The following ZNF277 variants were observed in gnomAD, a reference collection of about 807,000 sequenced individuals.
The protein encoded by ZNF277 is zinc finger protein 277, also known as nuclear receptor-interacting factor 4.
A neutral mutation model predicts 60.7 loss-of-function variants in ZNF277; 55 were observed. The observed-to-expected ratio is 0.91, with a 90% CI of 0.73 to 1.13. The LOEUF is 1.13. ZNF277 is among the 50% of genes most tolerant of loss of function. The probability of loss-of-function intolerance (pLI) is 0.00; values close to 1 mark genes in which losing one functional copy is unlikely to be tolerated. For synonymous variants in ZNF277, 178 were observed against 179.3 expected (o/e 0.99, Z 0.06); for missense variants, 510 against 523.0 (o/e 0.98, Z 0.24).
At chr7:112,237,553 A>C (rs569855213) in intron 1 of ZNF277, among the ~76,000 whole-genome samples, 1 of 152,264 alleles carries the variant, frequency 6.6e-6, no homozygotes, top group African/African-American at 2.4e-5. Context: ...AATACAAAAG[A>C]TCATCAGAGA....
chr7:112,327,550 A>G (rs988457713), intron 5 of ZNF277, among the ~76,000 whole-genome samples, 167 bp from the exon 6 acceptor site: 1 of 152,220 alleles, frequency 6.6e-6, no homozygotes, highest in Non-Finnish European at 1.5e-5. Flanking sequence ...GACTGTGTAC[A>G]CTTACATACT....
At chr7:112,291,552 T>TAGAGAAGTAGGAAAAATACAGA (rs1792206522) in intron 2 of ZNF277, among the ~76,000 whole-genome samples, 4 of 152,294 alleles carry the variant, frequency 2.6e-5, no homozygotes, top group African/African-American at 7.2e-5. Context: ...TTCAGTAAAC[T>TAGAGAAGTAGGAAAAATACAGA]AGAGAAGTAG....
chr7:112,289,391 G>A (rs1792151569), intron 2 of ZNF277, among the ~76,000 whole-genome samples: 1 of 152,148 alleles, frequency 6.6e-6, no homozygotes, highest in African/African-American at 2.4e-5. Context: ...AGATTTTGGT[G>A]CTGCCTTATC....
chr7:112,294,522 A>T (rs901269271), intron 2 of ZNF277, among the ~76,000 whole-genome samples: 1 of 152,214 alleles, frequency 6.6e-6, no homozygotes, highest in African/African-American at 2.4e-5. Flanking sequence ...GCACTGTTTT[A>T]TAAGGAAAGG....
At position 112,342,966 on chromosome 7, in the gene ZNF277, G is replaced by A. The variant is rs1793473909; in HGVS notation, c.*237G>A. On this transcript the variant is annotated 3_prime_UTR_variant, in exon 12 of 12. Transcript: ENST00000361822. ...AAGATGAAGACTTTGTATTTTGGCT[G>A]TAAAGTTTTATTGTGTGATCATCTT... 3.5e-6 allele frequency: 1 copy of A among 284,548 alleles called. No homozygotes were observed. The highest frequency in any genetic ancestry group is 6.5e-6 in the Non-Finnish European group (1 of 153,474). The allele number at this position is 284,548 out of a possible 1,614,324, so 17.6% of individuals were successfully genotyped here.
intron 2 of ZNF277, among the ~76,000 whole-genome samples, chr7:112,289,419 G>A (rs1792153064): frequency 6.6e-6 from 1 of 152,148 alleles, no homozygotes. Flanking sequence ...AGAGATAGGA[G>A]GACAGTTAAT....
rs949770849 is a variant in ZNF277, at chr7:112,278,592, A to G, written c.92-8281A>G. ...ACAACTCTGTCGGGTGGAACACTCT[A>G]TCAGGTGGATATTTTGATTAATTCA... is the stretch of plus-strand genomic sequence containing the variant. On this transcript the variant is annotated intron_variant, in intron 1 of 11. Coordinates refer to ENST00000361822, the MANE Select transcript of ZNF277 (RefSeq NM_021994.3). Among the ~76,000 whole-genome samples the G allele has an allele frequency of 1.3e-4, 20 of 152,146 alleles. 1 individual carries two copies. The highest frequency in any genetic ancestry group is 3.6e-4 in the African/African-American group (15 of 41,434).
chr7:112,245,644 G>A (rs1247838533), intron 1 of ZNF277, among the ~76,000 whole-genome samples: 2 of 152,002 alleles, frequency 1.3e-5, no homozygotes, highest in Non-Finnish European at 2.9e-5. Flanking sequence ...GTGACTTTCC[G>A]GCAACCTTTG....
intron 1 of ZNF277, among the ~76,000 whole-genome samples, chr7:112,269,384 G>A (rs1584362398): frequency 6.6e-6 from 1 of 151,980 alleles, no homozygotes; most frequent in East Asian, 1.9e-4. Flanking sequence ...GCATTTATGT[G>A]TCTGGATTTT....
chr7:112,223,681 C>T (rs532333640), intron 1 of ZNF277, among the ~76,000 whole-genome samples: 19 of 152,274 alleles, frequency 1.2e-4, no homozygotes, highest in African/African-American at 3.4e-4. Context: ...CCCACAAAGG[C>T]GCTTTTGTCC....
At chr7:112,266,938 A>T (rs1282284452) in intron 1 of ZNF277, among the ~76,000 whole-genome samples, 1 of 152,200 alleles carries the variant, frequency 6.6e-6, no homozygotes, top group Non-Finnish European at 1.5e-5. Flanking sequence ...TATTCCAATA[A>T]CTGTAGGAAT....
At chr7:112,286,773 A>T in intron 1 of ZNF277, 100 bp from the exon 2 acceptor site, 1 of 970,968 alleles carries the variant, frequency 1.0e-6, no homozygotes, top group Non-Finnish European at 1.5e-6. Context: ...AAATATCTTT[A>T]GGATCTTTTT....
At chr7:112,299,047 A>T (rs746739312) in intron 4 of ZNF277, among the ~76,000 whole-genome samples, 4 of 152,138 alleles carry the variant, frequency 2.6e-5, no homozygotes, top group Non-Finnish European at 5.9e-5. Context: ...GAGGCAGTTT[A>T]CAATAGCCCG....
intron 7 of ZNF277, among the ~76,000 whole-genome samples, chr7:112,333,634 A>G (rs1793272744): frequency 6.6e-6 from 1 of 152,192 alleles, no homozygotes; most frequent in South Asian, 2.1e-4. Context: ...GAGCAAATGG[A>G]CAGAGAGGCT....
chr7:112,303,785 A>G (rs1792532977), intron 4 of ZNF277, among the ~76,000 whole-genome samples: 1 of 151,552 alleles, frequency 6.6e-6, no homozygotes, highest in Non-Finnish European at 1.5e-5. Flanking sequence ...TCATTTTTTT[A>G]TCTCCTAGTT....
At chr7:112,243,785 C>T (rs1587110756) in intron 1 of ZNF277, among the ~76,000 whole-genome samples, 2 of 152,168 alleles carry the variant, frequency 1.3e-5, no homozygotes, top group South Asian at 4.1e-4. Context: ...TCATTTTATA[C>T]AGCAGTCCCA....
chr7:112,222,306 G>A (rs377587781), intron 1 of ZNF277, among the ~76,000 whole-genome samples: 46 of 152,292 alleles, frequency 3.0e-4, no homozygotes, highest in African/African-American at 1.1e-3. Flanking sequence ...CGGTGACATC[G>A]TTAGGTCTTG....
intron 2 of ZNF277, chr7:112,287,563 G>A (rs538356304): frequency 8.3e-6 from 1 of 121,182 alleles, no homozygotes; most frequent in African/African-American, 3.1e-5. Flanking sequence ...TTTTGCTATT[G>A]TCACCCAGGC....
At chr7:112,340,799 T>C (rs1366512454) in intron 10 of ZNF277, 73 bp from the exon 11 acceptor site, 1 of 1,385,834 alleles carries the variant, frequency 7.2e-7, no homozygotes, top group Non-Finnish European at 9.9e-7. Context: ...AAGTGGCTCC[T>C]TTAAGAAATT....
Sources: allele counts gnomAD v4.1 joint callset (sites outside exome capture counted in the v4.1 genomes callset), GRCh38; gene constraint gnomAD v4.1.1; transcripts MANE v1.5; gene names NCBI Gene and HGNC (gene_info 2026-07-23, HGNC 2026-07-21).